Variants in CACNG2 observed in about 807,000 individuals in gnomAD.
The protein encoded by CACNG2 is calcium voltage-gated channel auxiliary subunit gamma 2.
Under a neutral mutation model 25.9 loss-of-function variants are expected in CACNG2, and 3 were observed. That is an observed-to-expected ratio of 0.12 (90% CI 0.05 to 0.30). The LOEUF is 0.30. Ranked by LOEUF, CACNG2 falls within the 10% of genes least tolerant of loss-of-function variation. The probability of loss-of-function intolerance (pLI) is 1.00; values close to 1 mark genes in which losing one functional copy is unlikely to be tolerated. For missense variants in CACNG2, 341 were observed against 432.5 expected (o/e 0.79, Z 1.88); for synonymous variants, 167 against 173.3 (o/e 0.96, Z 0.29).
At chr22:36,679,136 CCCTTCCTTCCTTCCTTCCTTCCTTCCTT>C (rs575397901) in intron 1 of CACNG2, among the ~76,000 whole-genome samples, 10 of 128,454 alleles carry the variant, frequency 7.8e-5, no homozygotes, top group Admixed American at 3.3e-4. Context: ...TGGATTTTCT[CCCTTCCTTCCTTCCTTCCTTCCTTCCTT>C]CCTTCCTTCC....
At chr22:36,622,564 G>T (rs1027725896) in intron 1 of CACNG2, among the ~76,000 whole-genome samples, 3 of 152,206 alleles carry the variant, frequency 2.0e-5, no homozygotes, top group Admixed American at 1.3e-4. Context: ...AATATGCCGG[G>T]TGAAGGCAGA....
chr22:36,653,872 A>G lies in CACNG2; in HGVS notation c.211+48494T>C, dbSNP rs529255577. ...GTAAGACCTCCAGGATTCCCACATT[A>G]TAAGAGAGAGAGGAAGAATCCTCTT... On this transcript the variant is annotated intron_variant, in intron 1 of 3. Coordinates refer to ENST00000300105, the MANE Select transcript of CACNG2 (RefSeq NM_006078.5). Among the ~76,000 whole-genome samples the G allele has an allele frequency of 2.0e-5, 3 of 151,334 alleles. No individual in the cohort carries two copies. The South Asian group carries it at 6.3e-4, about 32-fold the overall frequency.
chr22:36,643,810 A>G (rs530428578), intron 1 of CACNG2, among the ~76,000 whole-genome samples: 1 of 152,330 alleles, frequency 6.6e-6, no homozygotes, highest in African/African-American at 2.4e-5. Context: ...TTTTCTAACC[A>G]TATTACCTTA....
chr22:36,595,310 C>T (rs1935662651), intron 1 of CACNG2, among the ~76,000 whole-genome samples: 1 of 152,168 alleles, frequency 6.6e-6, no homozygotes, highest in Non-Finnish European at 1.5e-5. Context: ...CCGAAGCCAG[C>T]AGTGTGCGGG....
intron 1 of CACNG2, among the ~76,000 whole-genome samples, chr22:36,672,095 G>T (rs1212226737): frequency 6.6e-6 from 1 of 152,118 alleles, no homozygotes; most frequent in Non-Finnish European, 1.5e-5. Flanking sequence ...GGTGTGCTGG[G>T]GTTGCTATAG....
chr22:36,669,369 A>T (rs1032209084), intron 1 of CACNG2, among the ~76,000 whole-genome samples: 9 of 151,660 alleles, frequency 5.9e-5, no homozygotes, highest in African/African-American at 1.9e-4. Flanking sequence ...TTAGCCAGTC[A>T]TGGTGGTGGG....
chr22:36,621,873 C>T (rs1175185419), intron 1 of CACNG2, among the ~76,000 whole-genome samples: 1 of 152,196 alleles, frequency 6.6e-6, no homozygotes, highest in Non-Finnish European at 1.5e-5. Context: ...GATCTTCAGC[C>T]AGTGAAGACA....
intron 2 of CACNG2, among the ~76,000 whole-genome samples, chr22:36,567,825 A>C (rs182162802): frequency 2.2e-3 from 334 of 152,226 alleles, no homozygotes; most frequent in Non-Finnish European, 3.5e-3. Flanking sequence ...GGCTTGAGGC[A>C]GGGGTGAGGG....
intron 2 of CACNG2, among the ~76,000 whole-genome samples, chr22:36,577,263 G>C (rs530977383): frequency 1.3e-5 from 2 of 152,288 alleles, no homozygotes; most frequent in South Asian, 4.1e-4. Flanking sequence ...CTCTCACCGG[G>C]CTTTGGGTTA....
chr22:36,643,229 T>A (rs1451782347), intron 1 of CACNG2, among the ~76,000 whole-genome samples: 1 of 149,864 alleles, frequency 6.7e-6, no homozygotes, highest in Non-Finnish European at 1.5e-5. Context: ...CTTCCTTCCT[T>A]CCCTTTTTGT....
At chr22:36,630,657 C>T (rs1936253663) in intron 1 of CACNG2, among the ~76,000 whole-genome samples, 1 of 152,098 alleles carries the variant, frequency 6.6e-6, no homozygotes, top group Non-Finnish European at 1.5e-5. Context: ...CAAAGCGAAG[C>T]AACACTGTCG....
At chr22:36,626,870 G>C (rs1936192379) in intron 1 of CACNG2, among the ~76,000 whole-genome samples, 1 of 152,262 alleles carries the variant, frequency 6.6e-6, no homozygotes, top group Non-Finnish European at 1.5e-5. Flanking sequence ...GGTCAGTATA[G>C]TATGGGGTGA....
intron 1 of CACNG2, among the ~76,000 whole-genome samples, chr22:36,677,084 G>A (rs1283914223): frequency 2.0e-5 from 3 of 152,132 alleles, no homozygotes; most frequent in Non-Finnish European, 4.4e-5. Context: ...AACAGCCCCT[G>A]CTTCAGAAGA....
chr22:36,613,151 G>GTT (rs567133959), intron 1 of CACNG2, among the ~76,000 whole-genome samples: 85 of 146,380 alleles, frequency 5.8e-4, no homozygotes, highest in Admixed American at 3.4e-3. Context: ...TTCATTACAG[G>GTT]CTCTCTGTGT....
chr22:36,590,731 G>T (rs1035566531), intron 1 of CACNG2, among the ~76,000 whole-genome samples: 1 of 152,076 alleles, frequency 6.6e-6, no homozygotes, highest in Non-Finnish European at 1.5e-5. Flanking sequence ...CCTCCAGCTC[G>T]GAAACACTCC....
chr22:36,614,068 AG>A (rs1340836518), intron 1 of CACNG2, among the ~76,000 whole-genome samples: 6 of 152,176 alleles, frequency 3.9e-5, no homozygotes, highest in Admixed American at 1.3e-4. Flanking sequence ...GATTTACAAA[AG>A]GTGAAATCGG....
At chr22:36,693,881 G>A (rs555436648) in intron 1 of CACNG2, among the ~76,000 whole-genome samples, 1 of 152,320 alleles carries the variant, frequency 6.6e-6, no homozygotes, top group South Asian at 2.1e-4. Flanking sequence ...ATGCTGTGCA[G>A]TTATCATTGT....
chr22:36,577,816 C>T (rs1157579754), intron 2 of CACNG2, among the ~76,000 whole-genome samples: 1 of 151,994 alleles, frequency 6.6e-6, no homozygotes, highest in Non-Finnish European at 1.5e-5. Context: ...GGGGTGGGGT[C>T]ACAATAGTTT....
intron 1 of CACNG2, among the ~76,000 whole-genome samples, chr22:36,670,614 GTGTTTTGTTTTTGTTTTTTTGTTT>G (rs1428260157): frequency 7.3e-6 from 1 of 136,846 alleles, no homozygotes; most frequent in Non-Finnish European, 1.5e-5. Flanking sequence ...GTTTTTTTGT[GTGTTTTGTTTTTGTTTTTTTGTTT>G]TGTTTTGTTT....
Sources: gnomAD v4.1 joint callset for allele counts (sites outside exome capture counted in the v4.1 genomes callset) on GRCh38, gnomAD v4.1.1 for gene constraint, MANE v1.5 for transcripts, NCBI Gene and HGNC (gene_info 2026-07-23, HGNC 2026-07-21) for gene names.